ITGB3: variants seen among roughly 807,000 people sequenced by gnomAD.
ITGB3 encodes the protein integrin subunit beta 3.
Under a neutral mutation model 85.8 loss-of-function variants are expected in ITGB3, and 48 were observed. That is an observed-to-expected ratio of 0.56 (90% CI 0.44 to 0.71). The LOEUF (loss-of-function observed/expected upper bound fraction) is 0.71, where lower values mean the gene tolerates loss of function less well. Among genes scored for constraint, ITGB3 ranks in the 30% least tolerant of loss-of-function variants. ITGB3 has a pLI of 0.00. For missense variants in ITGB3, 861 were observed against 1,019.1 expected, an observed-to-expected ratio of 0.84 and a Z score of 2.11; for synonymous variants, 363 against 395.6, an observed-to-expected ratio of 0.92 and a Z score of 0.98.
intron 13 of ITGB3, among the ~76,000 whole-genome samples, chr17:47,303,286 A>C (rs567995045): frequency 2.6e-4 from 40 of 152,106 alleles, no homozygotes; most frequent in African/African-American, 8.4e-4. Context: ...ACAAAAAAAA[A>C]CGATAAGTTA....
intron 13 of ITGB3, chr17:47,303,604 G>A (rs1212958894): frequency 6.6e-6 from 1 of 152,378 alleles, no homozygotes; most frequent in Non-Finnish European, 1.5e-5. Flanking sequence ...CAAGTTTACT[G>A]CAGGATGTAG....
intron 1 of ITGB3, among the ~76,000 whole-genome samples, chr17:47,270,641 A>G (rs188029027): frequency 2.6e-4 from 40 of 152,336 alleles, no homozygotes; most frequent in African/African-American, 9.6e-4. Flanking sequence ...AACCAATGTC[A>G]TCATTCCCAC....
intron 13 of ITGB3, chr17:47,303,772 C>T (rs1567769850): frequency 6.6e-6 from 1 of 152,232 alleles, no homozygotes; most frequent in Non-Finnish European, 1.5e-5. Context: ...ACCTTCATGG[C>T]CTTTGTTCTC....
intron 2 of ITGB3, among the ~76,000 whole-genome samples, chr17:47,275,197 C>A (rs1347907194): frequency 6.6e-6 from 1 of 152,184 alleles, no homozygotes; most frequent in African/African-American, 2.4e-5. Context: ...TCTTTCTCTT[C>A]TTCTTTCCTT....
chr17:47,283,163 T>C (rs1011680125), intron 2 of ITGB3, among the ~76,000 whole-genome samples, 191 bp from the exon 3 acceptor site: 1 of 152,070 alleles, frequency 6.6e-6, no homozygotes, highest in Non-Finnish European at 1.5e-5. Flanking sequence ...TGCCTTGGCC[T>C]CCCAAAGTAT....
intron 1 of ITGB3, among the ~76,000 whole-genome samples, chr17:47,254,938 C>T (rs928023398): frequency 6.6e-6 from 1 of 152,126 alleles, no homozygotes; most frequent in Non-Finnish European, 1.5e-5. Flanking sequence ...ACAATCTACA[C>T]CCTGCAGAAG....
At chr17:47,302,480 T>C (rs1008092001) in intron 12 of ITGB3, among the ~76,000 whole-genome samples, 2 of 152,202 alleles carry the variant, frequency 1.3e-5, no homozygotes, top group Non-Finnish European at 2.9e-5. Flanking sequence ...TGTTATATCA[T>C]GTCCCTTTCA....
intron 1 of ITGB3, among the ~76,000 whole-genome samples, chr17:47,270,109 G>T (rs1449350818): frequency 2.6e-5 from 4 of 152,180 alleles, no homozygotes; most frequent in Non-Finnish European, 4.4e-5. Flanking sequence ...TCATCCCTGT[G>T]ATTCTATTAC....
At chr17:47,267,471 G>T (rs1296129764) in intron 1 of ITGB3, among the ~76,000 whole-genome samples, 3 of 152,214 alleles carry the variant, frequency 2.0e-5, no homozygotes, top group Non-Finnish European at 4.4e-5. Context: ...CATGGGCTCA[G>T]TGCAGAGACT....
rs1431211616 is a variant in ITGB3, at chr17:47,307,614, C to A, written c.2278C>A (p.Arg760Ser). The part of the protein sequence containing the change: ...RKEFAKFEEE[R>S]ARAKWDTANN... The stretch of plus-strand genomic sequence containing the variant: ...AGAATTCGCTAAATTTGAGGAAGAA[C>A]GCGCCAGAGCAAAATGGGACACAGT... The change falls in exon 14 of 15, where the codon CGC becomes AGC. Residue 760 changes from arginine to serine, a missense_variant. Physicochemically the swap from Arg to Ser is moderately radical, Grantham distance 110. Transcript: ENST00000559488. 1.9e-6 allele frequency: 3 copies of A among 1,614,088 alleles called. No homozygotes were observed. The highest frequency in any genetic ancestry group is 1.7e-5 in the Admixed American group (1 of 59,998).
At position 47,292,283 on chromosome 17, in the gene ITGB3, C is replaced by G. The variant is rs749146406; in HGVS notation, c.1405C>G (p.Pro469Ala). 3 of 1,614,206 alleles carry G rather than the reference C, an allele frequency of 1.9e-6. No homozygotes were observed. Among genetic ancestry groups the G allele is most frequent in the Admixed American group, 3.3e-5 (2 of 60,030 alleles). The change falls in exon 10 of 15, where the codon CCT (proline) becomes GCT (alanine). Residue 469 changes from proline to alanine, a missense_variant. By Grantham distance (27) the Pro-to-Ala change is conservative (BLOSUM62 -1). Transcript: ENST00000559488. ...CTGTGCCTGCCAGGCCCAAGCTGAACCTAATAGCCATCGCTGCAACAATGG... is the reference window on the plus strand; with the variant it reads ...CTGTGCCTGCCAGGCCCAAGCTGAAGCTAATAGCCATCGCTGCAACAATGG... The part of the protein sequence containing the change: ...CDCACQAQAE[P>A]NSHRCNNGNG...
At chr17:47,282,917 T>C (rs2065088840) in intron 2 of ITGB3, among the ~76,000 whole-genome samples, 2 of 152,244 alleles carry the variant, frequency 1.3e-5, no homozygotes, top group South Asian at 4.1e-4. Context: ...AAAATGATGG[T>C]TGACACCTGC....
In ITGB3 at chr17:47,300,344, C is replaced by CGTGTGT. The variant is rs879063347; in HGVS notation, c.1914-133_1914-132insTGTGTG. ...CAGGATTGTCTTACAGGCGCGCGCG[C>CGTGTGT]GCGTGTGTGTGTGTGTGTGTGTGTT... On this transcript the variant is annotated intron_variant, in intron 11 of 14. Coordinates refer to ENST00000559488, the MANE Select transcript of ITGB3 (RefSeq NM_000212.3). 563 of 690,062 alleles carry CGTGTGT rather than the reference C, an allele frequency of 8.2e-4. No homozygotes were observed. In the East Asian group the frequency reaches 0.014, roughly 17 times the overall value. The allele number at this position is 690,062 out of a possible 1,614,324, so 42.7% of individuals were successfully genotyped here.
At chr17:47,300,690 AG>A in intron 12 of ITGB3, 112 bp downstream of exon 12, 2 of 789,086 alleles carry the variant, frequency 2.5e-6, no homozygotes, top group Non-Finnish European at 4.3e-6. Context: ...CTTCTACCTC[AG>A]GGAATGTTGT....
chr17:47,289,651 C>T, intron 6 of ITGB3, 30 bp from the exon 7 acceptor site: 1 of 1,493,062 alleles, frequency 6.7e-7, no homozygotes, highest in Admixed American at 1.7e-5. Flanking sequence ...CATGAGACGT[C>T]ATTAACCTCT....
Position 47,287,198 on chromosome 17 carries a change from T to C in ITGB3, c.906T>C (p.Gly302=). The C allele has an allele frequency of 6.2e-7, 1 of 1,613,958 alleles. No individual in the cohort carries two copies. Among genetic ancestry groups the C allele is most frequent in the Non-Finnish European group, 8.5e-7 (1 of 1,179,870 alleles). Residue 302 remains glycine, a synonymous_variant, in exon 6 of 15, where the codon GGT becomes GGC. Coordinates refer to ENST00000559488, the MANE Select transcript of ITGB3 (RefSeq NM_000212.3). The part of the protein sequence containing the change: ...VQPNDGQCHV[G]SDNHYSASTT... ...CTAATGACGGGCAGTGTCATGTTGG[T>C]AGTGACAATCATTACTCTGCCTCCA...
At chr17:47,260,755 G>A (rs1279937561) in intron 1 of ITGB3, among the ~76,000 whole-genome samples, 1 of 151,902 alleles carries the variant, frequency 6.6e-6, no homozygotes, top group Non-Finnish European at 1.5e-5. Context: ...GCCCTGGGCA[G>A]TTCTTGAAGG....
chr17:47,281,346 A>C (rs2065083264), intron 2 of ITGB3, among the ~76,000 whole-genome samples: 1 of 152,216 alleles, frequency 6.6e-6, no homozygotes, highest in South Asian at 2.1e-4. Flanking sequence ...TGGTCCCCTC[A>C]ACTTGGTAAG....
chr17:47,279,421 C>T (rs757139837), intron 2 of ITGB3: 3 of 152,240 alleles, frequency 2.0e-5, no homozygotes, highest in Admixed American at 6.5e-5. Flanking sequence ...TGCCTTGGTG[C>T]TCTTCTGGAA....
Sources: allele counts gnomAD v4.1 joint callset (sites outside exome capture counted in the v4.1 genomes callset), GRCh38; gene constraint gnomAD v4.1.1; transcripts MANE v1.5; gene names NCBI Gene and HGNC (gene_info 2026-07-23, HGNC 2026-07-21).